The following MYO18A variants were observed in gnomAD, a reference collection of about 807,000 sequenced individuals.
MYO18A encodes the protein myosin XVIIIA, also known as unconventional myosin-XVIIIa.
MYO18A carries 78 observed loss-of-function variants against 235.8 expected under a neutral mutation model. That is an observed-to-expected ratio of 0.33 (90% CI 0.28 to 0.40). The LOEUF (loss-of-function observed/expected upper bound fraction) is 0.40, where lower values mean the gene tolerates loss of function less well. Among genes scored for constraint, MYO18A ranks in the 10% least tolerant of loss-of-function variants. The pLI, the probability that MYO18A is intolerant of heterozygous loss-of-function variation, is 1.00. For synonymous variants in MYO18A, 977 were observed against 1,077.8 expected (o/e 0.91, Z 1.83); for missense variants, 2,215 against 2,699.3 (o/e 0.82, Z 3.98).
Position 29,094,824 on chromosome 17 carries a change from G to A in MYO18A, c.4536C>T (p.Phe1512=). Residue 1512 remains phenylalanine, a synonymous_variant, in exon 30 of 42, where the codon TTC becomes TTT. Transcript: ENST00000527372. ...LEEKDMDIAG[F]TQKVVSLEAE... The stretch of plus-strand genomic sequence containing the variant: ...CCTCTAGAGACACAACCTTCTGGGT[G>A]AACCCTGCAATGTCCATGTCTTTTT... 6.2e-7 allele frequency: 1 copy of A among 1,614,054 alleles called. No individual in the cohort carries two copies. Among genetic ancestry groups the A allele is most frequent in the Non-Finnish European group, 8.5e-7 (1 of 1,179,904 alleles).
chr17:29,082,857 G>A (rs1200295607), intron 40 of MYO18A, among the ~76,000 whole-genome samples: 1 of 152,198 alleles, frequency 6.6e-6, no homozygotes, highest in African/African-American at 2.4e-5. Flanking sequence ...TCAGATTGTG[G>A]CTATAGCTGC....
At chr17:29,148,506 A>AGTCT (rs1268598802) in intron 2 of MYO18A, among the ~76,000 whole-genome samples, 1 of 152,034 alleles carries the variant, frequency 6.6e-6, no homozygotes, top group African/African-American at 2.4e-5. Flanking sequence ...CCAGTACTAG[A>AGTCT]GTCTACACCT....
intron 39 of MYO18A, among the ~76,000 whole-genome samples, chr17:29,086,138 G>A (rs2152737804): frequency 6.6e-6 from 1 of 152,252 alleles, no homozygotes; most frequent in East Asian, 1.9e-4. Context: ...CCCCAGAGTG[G>A]GGCAGGTGCC....
chr17:29,121,252 G>A lies in MYO18A; in HGVS notation c.1372-41C>T, dbSNP rs770721071. 6.4e-6 allele frequency: 10 copies of A among 1,557,526 alleles called. No individual in the cohort carries two copies. The African/African-American group carries it at 1.1e-4, about 17-fold the overall frequency. ...AAGGGAGAGAAGGGGTTGGCTCTTA[G>A]CTGATCCCATTAAGACACCCCTCAC... On this transcript the variant is annotated intron_variant, in intron 5 of 41. Transcript: ENST00000527372. The surrounding 1 kb of genome is among the most constrained non-coding windows in gnomAD (Gnocchi z 4.2).
chr17:29,109,428 G>T lies in MYO18A; in HGVS notation c.3331+430C>A, dbSNP rs750479225. ...CCTTTAGATGGGTCCATAAAAAAGGGTCTGTCTGACCTTTCTTGGGAATTT... is the reference window on the plus strand; with the variant it reads ...CCTTTAGATGGGTCCATAAAAAAGGTTCTGTCTGACCTTTCTTGGGAATTT... On this transcript the variant is annotated intron_variant, in intron 19 of 41. Coordinates refer to ENST00000527372, the MANE Select transcript of MYO18A (RefSeq NM_078471.4). The surrounding 1 kb of genome is among the most constrained non-coding windows in gnomAD (Gnocchi z 4.1). Among the ~76,000 whole-genome samples, 1 of 152,172 alleles carries T rather than the reference G, an allele frequency of 6.6e-6. No homozygotes were observed. The highest frequency in any genetic ancestry group is 1.5e-5 in the Non-Finnish European group (1 of 68,038).
chr17:29,157,133 C>T (rs963354214), intron 2 of MYO18A, among the ~76,000 whole-genome samples: 1 of 152,228 alleles, frequency 6.6e-6, no homozygotes, highest in African/African-American at 2.4e-5. Context: ...CCCAGACTCC[C>T]AGATCTAGCA....
At chr17:29,176,907 G>A (rs956894199) in intron 1 of MYO18A, among the ~76,000 whole-genome samples, 1 of 152,122 alleles carries the variant, frequency 6.6e-6, no homozygotes, top group Non-Finnish European at 1.5e-5. Context: ...GCAGCCCCGC[G>A]GCGCCTCCCG....
rs559665662 is a variant in MYO18A, at chr17:29,091,145, C to G, written c.5188-219G>C. 13 of 536,830 alleles carry G rather than the reference C, an allele frequency of 2.4e-5. No individual in the cohort carries two copies. In the East Asian group the frequency reaches 3.7e-4, roughly 15 times the overall value. The allele number at this position is 536,830 out of a possible 1,614,324, so 33.3% of individuals were successfully genotyped here. A position where few individuals can be genotyped will look rare whatever the true frequency, so the allele number is the denominator to read the frequency against. On this transcript the variant is annotated intron_variant, in intron 34 of 41. Coordinates refer to ENST00000527372, the MANE Select transcript of MYO18A (RefSeq NM_078471.4). ...GTGTGCAGTACAGGCAGACCCTGGG[C>G]CTCTGAGCTGAATGACAGCTGCTTC...
At chr17:29,080,728 C>G (rs866379622) in intron 41 of MYO18A, 1 of 985,554 alleles carries the variant, frequency 1.0e-6, no homozygotes, top group Non-Finnish European at 1.2e-6. Flanking sequence ...CTGCGGCCCC[C>G]GGCCAGCGCG....
At position 29,092,396 on chromosome 17, in the gene MYO18A, C is replaced by G; in HGVS notation, c.5134G>C (p.Glu1712Gln). 6.2e-7 allele frequency: 1 copy of G among 1,612,584 alleles called. No homozygotes were observed. ...AVKARKAMEVEIEDLHLQIDD... is the reference protein window; with the variant it reads ...AVKARKAMEVQIEDLHLQIDD... ...ATCTGCAGGTGCAGGTCTTCGATCT[C>G]CACCTCCATTGCTTTCCGTGCTTTC... is the stretch of plus-strand genomic sequence containing the variant. The change falls in exon 34 of 42, where the codon GAG (glutamate) becomes CAG (glutamine). Residue 1712 changes from glutamate (E) to glutamine (Q), a missense_variant. Physicochemically the swap from Glu to Gln is conservative, Grantham distance 29. Transcript: ENST00000527372.
At chr17:29,090,641 A>T in intron 35 of MYO18A, 26 bp from the exon 36 acceptor site, 1 of 1,590,416 alleles carries the variant, frequency 6.3e-7, no homozygotes, top group Non-Finnish European at 8.6e-7. Context: ...GAGCATCAGA[A>T]GCAGGATCCC....
intron 11 of MYO18A, 23 bp downstream of exon 11, chr17:29,116,421 G>T (rs1293400477): frequency 1.2e-6 from 2 of 1,613,840 alleles, no homozygotes; most frequent in African/African-American, 2.7e-5. Flanking sequence ...ATTAGGGAAA[G>T]CTAACAAGAA....
intron 33 of MYO18A, 54 bp from the exon 34 acceptor site, chr17:29,092,510 C>A: frequency 7.0e-7 from 1 of 1,433,580 alleles, no homozygotes; most frequent in Non-Finnish European, 9.7e-7. Context: ...TCCTTGGGGG[C>A]AGGAGGGCTG....
rs2067111198 is a variant in MYO18A at position 29,117,913 on chromosome 17, G to A, written c.2038+132C>T. 3.6e-6 allele frequency: 4 copies of A among 1,100,744 alleles called. No individual in the cohort carries two copies. The East Asian group carries it at 1.0e-4, about 29-fold the overall frequency. The allele number at this position is 1,100,744 out of a possible 1,614,324, so 68.2% of individuals were successfully genotyped here. A position where few individuals can be genotyped will look rare whatever the true frequency, so the allele number is the denominator to read the frequency against. On this transcript the variant is annotated intron_variant, in intron 10 of 41. Transcript: ENST00000527372. This position sits in a 1 kb window ranked among gnomAD's most constrained non-coding sequence, Gnocchi z 4.6. ...CTGCTCTGAAGTGGGGGGCTGAGAA[G>A]AGGCACAAGCAAAAGAGGGTTGTCT...
intron 2 of MYO18A, among the ~76,000 whole-genome samples, chr17:29,137,269 T>C (rs1236325969): frequency 6.6e-6 from 1 of 152,226 alleles, no homozygotes; most frequent in African/African-American, 2.4e-5. Context: ...GCTTAATAAA[T>C]GTTAGCTGCA....
chr17:29,104,907 G>A (rs370363278), intron 20 of MYO18A, among the ~76,000 whole-genome samples: 3 of 152,078 alleles, frequency 2.0e-5, no homozygotes, highest in African/African-American at 7.2e-5. Context: ...TGGGCCAGGC[G>A]CGGTGGCTCA....
rs2067019462 is a variant in MYO18A at position 29,114,894 on chromosome 17, G to T, written c.2511+13C>A. 1 of 1,606,854 alleles carries T rather than the reference G, an allele frequency of 6.2e-7. No homozygotes were observed. Among genetic ancestry groups the T allele is most frequent in the African/African-American group, 1.3e-5 (1 of 74,808 alleles). ...GAATCTGAGGCTAGATGAGGCCCAG[G>T]CCCCAGAGCTACCTCCTTGTATCTT... On this transcript the variant is annotated intron_variant, in intron 14 of 41. Transcript: ENST00000527372.
intron 38 of MYO18A, 116 bp downstream of exon 38, chr17:29,086,820 C>CT: frequency 3.1e-6 from 4 of 1,290,936 alleles, no homozygotes; most frequent in Non-Finnish European, 3.2e-6. Flanking sequence ...CTCCCATTCT[C>CT]TGACTCATGT....
At chr17:29,100,532 G>A (rs576995451) in intron 21 of MYO18A, among the ~76,000 whole-genome samples, 3 of 152,206 alleles carry the variant, frequency 2.0e-5, no homozygotes, top group Admixed American at 6.5e-5. Context: ...CCCCACGCCC[G>A]GCCTTTCCTT....
Sources: allele counts gnomAD v4.1 joint callset (sites outside exome capture counted in the v4.1 genomes callset), GRCh38; gene constraint gnomAD v4.1.1; non-coding constraint Gnocchi (gnomAD v3.1); transcripts MANE v1.5; gene names NCBI Gene and HGNC (gene_info 2026-07-23, HGNC 2026-07-21).